The following PDE9A variants were observed in gnomAD, a reference collection of about 807,000 sequenced individuals.
PDE9A encodes phosphodiesterase 9A, also known as high affinity cGMP-specific 3',5'-cyclic phosphodiesterase 9A.
PDE9A carries 60 observed loss-of-function variants against 87.4 expected under a neutral mutation model. The observed-to-expected ratio is 0.69, with a 90% CI of 0.56 to 0.85. The LOEUF (loss-of-function observed/expected upper bound fraction) is 0.85. Among genes scored for constraint, PDE9A ranks in the 40% least tolerant of loss-of-function variants. The pLI is 0.00. For synonymous variants in PDE9A, 272 were observed against 279.4 expected (o/e 0.97, Z 0.27); for missense variants, 665 against 779.0 (o/e 0.85, Z 1.74).
Position 42,715,642 on chromosome 21 carries a change from T to C in PDE9A, c.263-16128T>C, listed in dbSNP as rs113808362. ...CAGACAAAAGAAAAAAAAAAGACTG[T>C]ACATTGGTTACAATCAGTGAACCAA... On this transcript the variant is annotated intron_variant, in intron 4 of 19. Coordinates refer to ENST00000291539, the MANE Select transcript of PDE9A (RefSeq NM_002606.3). 6.9e-4 allele frequency among the ~76,000 whole-genome samples: 104 copies of C among 151,782 alleles called. 1 individual carries two copies. Among genetic ancestry groups the C allele is most frequent in the African/African-American group, 2.3e-3 (97 of 41,522 alleles).
At chr21:42,724,568 G>A in intron 4 of PDE9A, 1 of 985,120 alleles carries the variant, frequency 1.0e-6, no homozygotes, top group Non-Finnish European at 1.2e-6. Flanking sequence ...AAAGAATGCA[G>A]ATTTTGCATT....
At chr21:42,661,674 CAG>C (rs1317452020) in intron 1 of PDE9A, among the ~76,000 whole-genome samples, 2 of 152,166 alleles carry the variant, frequency 1.3e-5, no homozygotes, top group Admixed American at 6.5e-5. Flanking sequence ...TTTAAAGCCT[CAG>C]TCATTTTCAT....
At chr21:42,734,288 T>C (rs2052157246) in intron 7 of PDE9A, 1 of 152,208 alleles carries the variant, frequency 6.6e-6, no homozygotes, top group Non-Finnish European at 1.5e-5. Flanking sequence ...GATTCAATGA[T>C]CACAAAGCTC....
At chr21:42,761,679 A>G (rs2055785819) in intron 13 of PDE9A, among the ~76,000 whole-genome samples, 1 of 152,050 alleles carries the variant, frequency 6.6e-6, no homozygotes, top group Non-Finnish European at 1.5e-5. Context: ...CCTTTTGCTC[A>G]TTTCACACTC....
At chr21:42,670,365 CACATTCACACACATTCACATTT>C (rs1230112616) in intron 1 of PDE9A, among the ~76,000 whole-genome samples, 1 of 126,608 alleles carries the variant, frequency 7.9e-6, no homozygotes, top group Non-Finnish European at 1.6e-5. Flanking sequence ...CATCCACACA[CACATTCACACACATTCACATTT>C]ACATTCACAA....
chr21:42,710,942 C>T (rs910983145), intron 4 of PDE9A, among the ~76,000 whole-genome samples: 3 of 152,030 alleles, frequency 2.0e-5, no homozygotes, highest in Admixed American at 1.3e-4. Context: ...AAGCTGAGAT[C>T]GCGCCTTGCA....
chr21:42,726,606 A>ATTT, intron 4 of PDE9A, among the ~76,000 whole-genome samples: 1 of 20,368 alleles, frequency 4.9e-5, no homozygotes, highest in African/African-American at 4.6e-4. Context: ...ATATATATAT[A>ATTT]TATATATATA....
chr21:42,770,286 G>C lies in PDE9A; in HGVS notation c.1591-417G>C, dbSNP rs530152980. 3.3e-5 allele frequency among the ~76,000 whole-genome samples: 5 copies of C among 152,198 alleles called. No individual in the cohort carries two copies. The South Asian group carries it at 1.0e-3, about 32-fold the overall frequency. ...TTCCCCCCGGGGATCTGGGCTCACAGCCTCACACCCTCCGACCTTCCTGGG... is the reference window on the plus strand; with the variant it reads ...TTCCCCCCGGGGATCTGGGCTCACACCCTCACACCCTCCGACCTTCCTGGG... On this transcript the variant is annotated intron_variant, in intron 17 of 19. Coordinates refer to ENST00000291539, the MANE Select transcript of PDE9A (RefSeq NM_002606.3).
intron 7 of PDE9A, 57 bp downstream of exon 7, chr21:42,733,483 T>A: frequency 1.0e-6 from 1 of 999,790 alleles, no homozygotes; most frequent in Middle Eastern, 2.0e-4. Flanking sequence ...CTATTCAAAT[T>A]AACCACTTGG....
intron 10 of PDE9A, among the ~76,000 whole-genome samples, chr21:42,755,773 C>T (rs1057304101): frequency 6.6e-6 from 1 of 152,206 alleles, no homozygotes; most frequent in Admixed American, 6.5e-5. Context: ...AGCCTGTGGG[C>T]AACCGCCGCA....
At chr21:42,721,360 CA>C (rs1252421701) in intron 4 of PDE9A, among the ~76,000 whole-genome samples, 2 of 152,174 alleles carry the variant, frequency 1.3e-5, no homozygotes, top group African/African-American at 4.8e-5. Context: ...GTTTGGCCAC[CA>C]GGGTCTTCGG....
At chr21:42,678,883 G>A (rs1209370669) in intron 1 of PDE9A, among the ~76,000 whole-genome samples, 5 of 152,222 alleles carry the variant, frequency 3.3e-5, no homozygotes, top group Non-Finnish European at 7.3e-5. Flanking sequence ...AGCGTGGCAC[G>A]GCACCCACTT....
chr21:42,761,598 G>A (rs1016665076), intron 13 of PDE9A, among the ~76,000 whole-genome samples: 2 of 152,308 alleles, frequency 1.3e-5, no homozygotes, highest in South Asian at 2.1e-4. Flanking sequence ...ATGTGTCAGC[G>A]CCTAGTGGGT....
intron 4 of PDE9A, among the ~76,000 whole-genome samples, chr21:42,730,429 T>A (rs942419058): frequency 6.6e-6 from 1 of 152,084 alleles, no homozygotes; most frequent in Non-Finnish European, 1.5e-5. Flanking sequence ...AACTGATTAG[T>A]TTTTTTTAAT....
chr21:42,714,698 A>C (rs371447874), intron 4 of PDE9A, among the ~76,000 whole-genome samples: 3 of 127,640 alleles, frequency 2.4e-5, no homozygotes, highest in Middle Eastern at 5.1e-3. Context: ...GGTTAGCTCT[A>C]CCAGTCTTTG....
chr21:42,677,376 A>G (rs2058905397), intron 1 of PDE9A, among the ~76,000 whole-genome samples: 1 of 152,162 alleles, frequency 6.6e-6, no homozygotes, highest in African/African-American at 2.4e-5. Context: ...TTTTTTAATG[A>G]TTTTGAAAGG....
intron 4 of PDE9A, among the ~76,000 whole-genome samples, chr21:42,703,492 C>T (rs2048553384): frequency 1.3e-5 from 2 of 152,230 alleles, no homozygotes; most frequent in African/African-American, 4.8e-5. Context: ...TGAGGTGCTG[C>T]AGGGCTCTCG....
In PDE9A at chr21:42,723,993, GA is replaced by G. The variant is rs1490521607; in HGVS notation, c.263-7776del. Among the ~76,000 whole-genome samples, 38 of 152,346 alleles carry G rather than the reference GA, an allele frequency of 2.5e-4. No homozygotes were observed. In the East Asian group the frequency reaches 5.4e-3, roughly 22 times the overall value. ...GTCACACATAATATCAAATTTGGCT[GA>G]CACAAGGTGATTTTGCCACGAAGGT... On this transcript the variant is annotated intron_variant, in intron 4 of 19. Coordinates refer to ENST00000291539, the MANE Select transcript of PDE9A (RefSeq NM_002606.3). This position sits in a 1 kb window ranked among gnomAD's most constrained non-coding sequence, Gnocchi z 4.3.
intron 3 of PDE9A, among the ~76,000 whole-genome samples, chr21:42,691,588 C>G (rs1467441021): frequency 6.6e-6 from 1 of 151,400 alleles, no homozygotes; most frequent in African/African-American, 2.4e-5. Flanking sequence ...CACCCAGACA[C>G]ATCACCATCA....
Sources: gnomAD v4.1 joint callset for allele counts (sites outside exome capture counted in the v4.1 genomes callset) on GRCh38, gnomAD v4.1.1 for gene constraint, Gnocchi (gnomAD v3.1) non-coding constraint, MANE v1.5 for transcripts, NCBI Gene and HGNC (gene_info 2026-07-23, HGNC 2026-07-21) for gene names.